The following TFEB variants were observed in gnomAD, a reference collection of about 807,000 sequenced individuals.
TFEB encodes the protein transcription factor EB, also known as T-cell transcription factor EB.
A neutral mutation model predicts 48.0 loss-of-function variants in TFEB; 12 were observed. The ratio of observed to expected loss-of-function variants is 0.25; its 90% CI spans 0.16 to 0.40. The LOEUF is 0.40. TFEB is among the 10% of genes least tolerant of loss of function. The probability of loss-of-function intolerance (pLI) is 1.00; values close to 1 mark genes in which losing one functional copy is unlikely to be tolerated. For synonymous variants in TFEB, 244 were observed against 261.4 expected (o/e 0.93, Z 0.64); for missense variants, 509 against 640.3 (o/e 0.79, Z 2.21).
intron 3 of TFEB, 102 bp downstream of exon 3, chr6:41,690,561 T>G: frequency 7.4e-7 from 1 of 1,353,680 alleles, no homozygotes; most frequent in South Asian, 1.9e-5. Flanking sequence ...TGAGTCTCCC[T>G]GAAGGCACCC....
At chr6:41,735,126 G>A (rs992664590) in intron 1 of TFEB, 4 of 969,628 alleles carry the variant, frequency 4.1e-6, no homozygotes, top group South Asian at 4.8e-5. Flanking sequence ...GGGAGGGGCC[G>A]AGGGGGCTCC....
At position 41,684,563 on chromosome 6, in the gene TFEB, G is replaced by C; in HGVS notation, c.*36C>G. On this transcript the variant is annotated 3_prime_UTR_variant, in exon 9 of 9. Transcript: ENST00000373033. ...TGCCCCTGGCCCTCCCAGCCCCCAG[G>C]CCGGCCCCTGTTCCCTGGCACAGGG... The C allele has an allele frequency of 2.6e-6, 4 of 1,511,598 alleles. No individual in the cohort carries two copies. The highest frequency in any genetic ancestry group is 3.5e-6 in the Non-Finnish European group (4 of 1,131,934). 93.6% of individuals were successfully genotyped at this position (1,511,598 alleles called of 1,614,324 possible). A position where few individuals can be genotyped will look rare whatever the true frequency, so the allele number is the denominator to read the frequency against.
intron 1 of TFEB, chr6:41,733,687 T>C (rs1771546086): frequency 4.1e-6 from 4 of 984,196 alleles, no homozygotes; most frequent in Non-Finnish European, 4.8e-6. Context: ...GGCAGGGACC[T>C]CAAGGCAGCT....
At chr6:41,717,343 C>G (rs1770782261) in intron 1 of TFEB, among the ~76,000 whole-genome samples, 1 of 152,138 alleles carries the variant, frequency 6.6e-6, no homozygotes, top group South Asian at 2.1e-4. Context: ...GCCTCCTTTT[C>G]CCATGTCCTC....
chr6:41,715,203 T>C (rs914324657), intron 1 of TFEB, among the ~76,000 whole-genome samples: 3 of 152,134 alleles, frequency 2.0e-5, no homozygotes, highest in Non-Finnish European at 2.9e-5. Context: ...CTCTCCATGT[T>C]GCGGAAGTCT....
intron 3 of TFEB, 79 bp from the exon 4 acceptor site, chr6:41,689,890 C>T (rs895123763): frequency 5.3e-6 from 6 of 1,122,598 alleles, no homozygotes; most frequent in Non-Finnish European, 8.0e-6. Flanking sequence ...CAACCACTGA[C>T]CTGGAGGGAC....
At position 41,684,959 on chromosome 6, in the gene TFEB, C is replaced by T; in HGVS notation, c.1071G>A (p.Gly357=). The change falls in exon 9 of 9, where the codon GGG becomes GGA. Residue 357 remains glycine (G), a synonymous_variant. Transcript: ENST00000373033. ...CCTCAGCCCCCAGCATCAGGGCCTC[C>T]CCTGGGCCCTCTTCGCTAGGCAGCT... The part of the protein sequence containing the change: ...KQELPSEEGP[G]EALMLGAEVP... 1 of 1,584,070 alleles carries T rather than the reference C, an allele frequency of 6.3e-7. No individual in the cohort carries two copies.
At chr6:41,696,698 A>T (rs770086726) in intron 1 of TFEB, among the ~76,000 whole-genome samples, 13 of 152,176 alleles carry the variant, frequency 8.5e-5, no homozygotes, top group Non-Finnish European at 1.0e-4. Flanking sequence ...CATCTCAAAA[A>T]AAATAAATAA....
At chr6:41,729,151 C>T (rs77392070) in intron 1 of TFEB, among the ~76,000 whole-genome samples, 6,510 of 151,992 alleles carry the variant, frequency 0.043, 170 homozygotes, top group East Asian at 0.098. Flanking sequence ...TTCTCACCTC[C>T]TACCAGGCTT....
chr6:41,692,709 C>G (rs1769378907), intron 1 of TFEB, among the ~76,000 whole-genome samples: 1 of 152,178 alleles, frequency 6.6e-6, no homozygotes, highest in South Asian at 2.1e-4. Flanking sequence ...AGGGTTGGAC[C>G]CAGTAATTTC....
At position 41,723,749 on chromosome 6, in the gene TFEB, C is replaced by T. The variant is rs1366677459; in HGVS notation, c.-23+11601G>A. 8.0e-6 allele frequency: 3 copies of T among 376,616 alleles called. No homozygotes were observed. The highest frequency in any genetic ancestry group is 1.5e-5 in the Non-Finnish European group (3 of 194,422). 23.3% of individuals were successfully genotyped at this position (376,616 alleles called of 1,614,324 possible). A position where few individuals can be genotyped will look rare whatever the true frequency, so the allele number is the denominator to read the frequency against. On this transcript the variant is annotated intron_variant, in intron 1 of 8. Coordinates refer to ENST00000373033, the MANE Select transcript of TFEB (RefSeq NM_001271944.2). The surrounding 1 kb of genome is among the most constrained non-coding windows in gnomAD (Gnocchi z 6.0). The stretch of plus-strand genomic sequence containing the variant: ...ACACAGACTGCTTCAATCTCACCCG[C>T]CCGGCTCCAGGCGCCCACAGCGCTC...
At chr6:41,716,131 A>G (rs1256814391) in intron 1 of TFEB, among the ~76,000 whole-genome samples, 1 of 152,226 alleles carries the variant, frequency 6.6e-6, no homozygotes, top group Non-Finnish European at 1.5e-5. Flanking sequence ...GTATTATCTT[A>G]CTTAATCCTC....
intron 1 of TFEB, among the ~76,000 whole-genome samples, chr6:41,695,982 C>A (rs574877944): frequency 6.6e-6 from 1 of 152,230 alleles, no homozygotes; most frequent in Non-Finnish European, 1.5e-5. Flanking sequence ...AGGCCAGCCG[C>A]GGTCCCTGGG....
intron 1 of TFEB, among the ~76,000 whole-genome samples, chr6:41,726,729 G>T (rs1436793222): frequency 3.3e-5 from 5 of 152,028 alleles, no homozygotes; most frequent in African/African-American, 1.2e-4. Flanking sequence ...GTGAGCCACC[G>T]CACCCAGCCA....
In TFEB at chr6:41,718,316, G is replaced by A. The variant is rs139458297; in HGVS notation, c.-23+17034C>T. 1.1e-3 allele frequency among the ~76,000 whole-genome samples: 174 copies of A among 151,942 alleles called. 1 individual carries two copies. In the Middle Eastern group the frequency reaches 0.014, roughly 12 times the overall value. On this transcript the variant is annotated intron_variant, in intron 1 of 8. Transcript: ENST00000373033. ...CTCAACCTCCCAGGCTCAATTGATC[G>A]TCCCACCTCAGCCTCTCCCATAGCT...
intron 1 of TFEB, among the ~76,000 whole-genome samples, chr6:41,697,137 G>A (rs924187090): frequency 6.6e-6 from 1 of 151,142 alleles, no homozygotes; most frequent in Non-Finnish European, 1.5e-5. Flanking sequence ...GCCTGGCATG[G>A]TGGCTCACGC....
chr6:41,709,338 T>G (rs905308537), intron 1 of TFEB, among the ~76,000 whole-genome samples: 2 of 152,242 alleles, frequency 1.3e-5, no homozygotes, highest in African/African-American at 4.8e-5. Context: ...TCCTCATGTG[T>G]AAAATTAGGA....
In TFEB at chr6:41,720,166, T is replaced by C. The variant is rs1358026057; in HGVS notation, c.-23+15184A>G. On this transcript the variant is annotated intron_variant, in intron 1 of 8. Transcript: ENST00000373033. The surrounding 1 kb of genome is among the most constrained non-coding windows in gnomAD (Gnocchi z 4.1). Reference sequence around the variant, plus strand: ...TGCCAATCAGTCCTAGGTTACTGCCTCTCCACCTGCCACCACAGCCCCTTA... The same window carrying C: ...TGCCAATCAGTCCTAGGTTACTGCCCCTCCACCTGCCACCACAGCCCCTTA... Among the ~76,000 whole-genome samples, 1 of 149,828 alleles carries C rather than the reference T, an allele frequency of 6.7e-6. No individual in the cohort carries two copies. The highest frequency in any genetic ancestry group is 1.5e-5 in the Non-Finnish European group (1 of 66,880).
intron 1 of TFEB, among the ~76,000 whole-genome samples, chr6:41,727,719 G>A (rs1282543092): frequency 6.6e-6 from 1 of 152,174 alleles, no homozygotes; most frequent in East Asian, 1.9e-4. Context: ...AGGTTCTGGA[G>A]GTGGGAGGAA....
Sources: allele counts gnomAD v4.1 joint callset (sites outside exome capture counted in the v4.1 genomes callset), GRCh38; gene constraint gnomAD v4.1.1; non-coding constraint Gnocchi (gnomAD v3.1); transcripts MANE v1.5; gene names NCBI Gene and HGNC (gene_info 2026-07-23, HGNC 2026-07-21).